Variants in FAM3B observed in about 807,000 individuals in gnomAD.
FAM3B encodes the protein FAM3 metabolism regulating signaling molecule B, also known as protein FAM3B.
FAM3B carries 29 observed loss-of-function variants against 28.4 expected under a neutral mutation model. The ratio of observed to expected loss-of-function variants is 1.02; its 90% CI spans 0.76 to 1.39. The LOEUF (loss-of-function observed/expected upper bound fraction) is 1.39. Ranked by LOEUF, FAM3B falls within the 40% of genes most tolerant of loss-of-function variation. The pLI is 0.00. For synonymous variants in FAM3B, 91 were observed against 103.0 expected (o/e 0.88, Z 0.71); for missense variants, 266 against 293.9 (o/e 0.91, Z 0.69).
At position 41,357,203 on chromosome 21, in the gene FAM3B, C is replaced by A; in HGVS notation, c.*6C>A. The A allele has an allele frequency of 1.2e-6, 2 of 1,601,616 alleles. No homozygotes were observed. The highest frequency in any genetic ancestry group is 1.7e-4 in the Middle Eastern group (1 of 6,036). The stretch of plus-strand genomic sequence containing the variant: ...TACCCAAAGAACGAAGCTGACACTG[C>A]AGGGTCCTGAGTAAATGTGTTCTGT... On this transcript the variant is annotated 3_prime_UTR_variant, in exon 8 of 8. Transcript: ENST00000357985.
intron 2 of FAM3B, among the ~76,000 whole-genome samples, chr21:41,327,116 G>T (rs1445274353): frequency 1.3e-5 from 2 of 152,230 alleles, no homozygotes; most frequent in African/African-American, 2.4e-5. Context: ...AATATTTAAT[G>T]CATCTGAAAT....
intron 2 of FAM3B, among the ~76,000 whole-genome samples, chr21:41,328,501 CAA>C (rs947690567): frequency 7.0e-6 from 1 of 142,346 alleles, no homozygotes. Context: ...GGAGACTGAC[CAA>C]AAAAAAAAAC....
Position 41,348,590 on chromosome 21 carries a change from A to T in FAM3B, c.486-2A>T, listed in dbSNP as rs1462397619. On this transcript the variant is annotated splice_acceptor_variant, in intron 6 of 7. Transcript: ENST00000357985. LOFTEE classifies it high-confidence loss of function. Reference sequence around the variant, plus strand: ...TCACATGCTTTTCCCTTTGTCCTGCAGACTGAATAACGATGCCAAGAATGC... The same window carrying T: ...TCACATGCTTTTCCCTTTGTCCTGCTGACTGAATAACGATGCCAAGAATGC... 2 of 1,614,258 alleles carry T rather than the reference A, an allele frequency of 1.2e-6. No homozygotes were observed. Among genetic ancestry groups the T allele is most frequent in the Non-Finnish European group, 1.7e-6 (2 of 1,180,042 alleles).
At chr21:41,339,634 T>C (rs1300024380) in intron 3 of FAM3B, among the ~76,000 whole-genome samples, 1 of 152,240 alleles carries the variant, frequency 6.6e-6, no homozygotes, top group Non-Finnish European at 1.5e-5. Flanking sequence ...TGGTTCCTAG[T>C]ACTATTAACC....
chr21:41,345,682 T>A lies in FAM3B; in HGVS notation c.347-4T>A. On this transcript the variant is annotated splice_region_variant and splice_polypyrimidine_tract_variant and intron_variant, in intron 4 of 7. Transcript: ENST00000357985. ...TTTTAAAATACCATTTCTTTTATTT[T>A]CAGATGTAACTGGGAATGTGACAGC... 6.5e-7 allele frequency: 1 copy of A among 1,536,376 alleles called. No individual in the cohort carries two copies. The highest frequency in any genetic ancestry group is 2.4e-5 in the East Asian group (1 of 42,366).
At chr21:41,335,832 G>A (rs967061782) in intron 2 of FAM3B, among the ~76,000 whole-genome samples, 2 of 152,172 alleles carry the variant, frequency 1.3e-5, no homozygotes, top group East Asian at 3.9e-4. Context: ...GGTCTGTCCT[G>A]GAAGACATTC....
chr21:41,354,829 C>T (rs532042037), intron 7 of FAM3B, among the ~76,000 whole-genome samples: 1 of 115,518 alleles, frequency 8.7e-6, no homozygotes, highest in East Asian at 2.0e-4. Flanking sequence ...TGCACGTGTA[C>T]CCCGAACTTA....
chr21:41,352,284 A>T (rs1361603096), intron 7 of FAM3B, among the ~76,000 whole-genome samples: 1 of 152,084 alleles, frequency 6.6e-6, no homozygotes, highest in Non-Finnish European at 1.5e-5. Flanking sequence ...ACCTCTGCAC[A>T]TGCCTCCCTC....
At chr21:41,319,669 G>C (rs769778356) in intron 1 of FAM3B, 2 of 152,476 alleles carry the variant, frequency 1.3e-5, no homozygotes, top group Non-Finnish European at 2.9e-5. Context: ...CCTGGTGTCT[G>C]AGCCTCTGTC....
chr21:41,350,494 G>A (rs1270901987), intron 7 of FAM3B, among the ~76,000 whole-genome samples: 1 of 152,168 alleles, frequency 6.6e-6, no homozygotes, highest in East Asian at 1.9e-4. Flanking sequence ...GTGGAGTCCT[G>A]TAACCCAGAA....
At chr21:41,306,527 A>T (rs2088683918) in intron 1 of FAM3B, among the ~76,000 whole-genome samples, 1 of 152,236 alleles carries the variant, frequency 6.6e-6, no homozygotes. Flanking sequence ...GTGTTAGCAG[A>T]TACAGAAACG....
At position 41,311,251 on chromosome 21, in the gene FAM3B, AATATATATATAT is replaced by A. The variant is rs1168140562; in HGVS notation, n.99+6976_99+6987del. Among the ~76,000 whole-genome samples, 92 of 35,016 alleles carry A rather than the reference AATATATATATAT, an allele frequency of 2.6e-3. 2 individuals are homozygous for A. Among genetic ancestry groups the A allele is most frequent in the African/African-American group, 8.2e-3 (68 of 8,298 alleles). The allele number at this position is 35,016 out of a possible 152,430, so 23.0% of individuals were successfully genotyped here. On this transcript the variant is annotated intron_variant and non_coding_transcript_variant, in intron 1 of 9. Transcript: ENST00000479810. ...CCTGTCTCTACAAAAAAAAAAAAAAAATATATATATATATATATATATATATATATATATATA... is the reference window on the plus strand; with the variant it reads ...CCTGTCTCTACAAAAAAAAAAAAAAAATATATATATATATATATATATATA...
At chr21:41,312,292 A>G (rs894506735), upstream of FAM3B, among the ~76,000 whole-genome samples, 3 of 152,194 alleles carry the variant, frequency 2.0e-5, no homozygotes, top group African/African-American at 2.4e-5. Flanking sequence ...GTATATATGT[A>G]TATAATTTTG....
chr21:41,345,057 G>A (rs764047490), intron 4 of FAM3B, among the ~76,000 whole-genome samples: 16 of 152,248 alleles, frequency 1.1e-4, no homozygotes, highest in Non-Finnish European at 2.1e-4. Context: ...TGAGTGAGTG[G>A]GCCGCATAGC....
At position 41,348,732 on chromosome 21, in the gene FAM3B, G is replaced by A. The variant is rs752529107; in HGVS notation, c.618+8G>A. 1 of 1,614,214 alleles carries A rather than the reference G, an allele frequency of 6.2e-7. No individual in the cohort carries two copies. The highest frequency in any genetic ancestry group is 8.5e-7 in the Non-Finnish European group (1 of 1,180,038). ...GAAATTCAGAGAGAAAAGGTGAGTG[G>A]TTTTAAAATGTCCCTTCCCACCAAT... On this transcript the variant is annotated splice_region_variant and intron_variant, in intron 7 of 7. Coordinates refer to ENST00000357985, the MANE Select transcript of FAM3B (RefSeq NM_058186.4).
intron 1 of FAM3B, chr21:41,319,921 A>G (rs1489045803): frequency 6.6e-6 from 1 of 152,074 alleles, no homozygotes; most frequent in Non-Finnish European, 1.5e-5. Context: ...TATTTCAGAT[A>G]TAGTGAGGTC....
At chr21:41,322,747 T>G in intron 1 of FAM3B, 176 bp from the exon 2 acceptor site, 1 of 811,056 alleles carries the variant, frequency 1.2e-6, no homozygotes, top group Non-Finnish European at 2.1e-6. Context: ...TACTGTCTAC[T>G]TCAAAGGTCC....
At chr21:41,314,973 A>T (rs1207110912), upstream of FAM3B, among the ~76,000 whole-genome samples, 1 of 152,190 alleles carries the variant, frequency 6.6e-6, no homozygotes, top group East Asian at 1.9e-4. Flanking sequence ...TCCAGAAGAG[A>T]TATTTGCACA....
intron 1 of FAM3B, among the ~76,000 whole-genome samples, chr21:41,306,068 G>C (rs1568906979): frequency 1.3e-5 from 2 of 152,160 alleles, no homozygotes; most frequent in Non-Finnish European, 2.9e-5. Context: ...TCTTCACCAA[G>C]AGTAGATTCC....
Sources: allele counts gnomAD v4.1 joint callset (sites outside exome capture counted in the v4.1 genomes callset), GRCh38; gene constraint gnomAD v4.1.1; transcripts MANE v1.5; gene names NCBI Gene and HGNC (gene_info 2026-07-23, HGNC 2026-07-21).